TMEM132B: variants seen among roughly 807,000 people sequenced by gnomAD.
TMEM132B encodes the protein transmembrane protein 132B.
Under a neutral mutation model 90.8 loss-of-function variants are expected in TMEM132B, and 18 were observed. That is an observed-to-expected ratio of 0.20 (90% CI 0.14 to 0.29). The LOEUF is 0.29. Ranked by LOEUF, TMEM132B falls within the 10% of genes least tolerant of loss-of-function variation. The probability of loss-of-function intolerance (pLI) is 1.00; values close to 1 mark genes in which losing one functional copy is unlikely to be tolerated. For missense variants in TMEM132B, 1,096 were observed against 1,326.8 expected (o/e 0.83, Z 2.70); for synonymous variants, 504 against 523.3 (o/e 0.96, Z 0.50).
chr12:125,597,164 C>A (rs1264126937), intron 5 of TMEM132B, among the ~76,000 whole-genome samples: 1 of 152,160 alleles, frequency 6.6e-6, no homozygotes, highest in Non-Finnish European at 1.5e-5. Context: ...GTTTCTGGCA[C>A]AGAATATGCA....
At chr12:125,200,023 G>A (rs765391350) in intron 1 of TMEM132B, among the ~76,000 whole-genome samples, 34 of 152,172 alleles carry the variant, frequency 2.2e-4, no homozygotes, top group Non-Finnish European at 4.4e-4. Flanking sequence ...TGGATACCGG[G>A]CACAAAGTTG....
At chr12:125,605,749 A>G (rs1182652082) in intron 5 of TMEM132B, among the ~76,000 whole-genome samples, 2 of 152,202 alleles carry the variant, frequency 1.3e-5, no homozygotes, top group Non-Finnish European at 2.9e-5. Context: ...TCTCCACATT[A>G]CAGATATGGC....
At chr12:125,530,680 C>T (rs936974404) in intron 4 of TMEM132B, among the ~76,000 whole-genome samples, 4 of 152,220 alleles carry the variant, frequency 2.6e-5, no homozygotes, top group Admixed American at 6.5e-5. Context: ...TGGCTCCAGG[C>T]GTTCCTTAGC....
intron 4 of TMEM132B, among the ~76,000 whole-genome samples, chr12:125,526,059 G>A (rs564529923): frequency 1.3e-4 from 20 of 152,318 alleles, no homozygotes; most frequent in Admixed American, 3.3e-4. Flanking sequence ...GAGAGGAGCT[G>A]CACACACTCT....
At chr12:125,491,167 A>G (rs1461602151) in intron 3 of TMEM132B, among the ~76,000 whole-genome samples, 1 of 152,126 alleles carries the variant, frequency 6.6e-6, no homozygotes, top group African/African-American at 2.4e-5. Context: ...GAAATAATAC[A>G]TGTTTATTGT....
Position 125,535,736 on chromosome 12 carries a change from G to A in TMEM132B, c.1293+16111G>A, listed in dbSNP as rs542045975. Among the ~76,000 whole-genome samples, 8 of 152,266 alleles carry A rather than the reference G, an allele frequency of 5.3e-5. No individual in the cohort carries two copies. The South Asian group carries it at 1.7e-3, about 32-fold the overall frequency. On this transcript the variant is annotated intron_variant, in intron 4 of 8. Transcript: ENST00000682704. ...CCAAGAGAGGGGTTGGGGCAGACTT[G>A]CCCACCTTTGCATTTTCTCCAGAAC...
intron 1 of TMEM132B, among the ~76,000 whole-genome samples, chr12:125,324,399 A>G (rs78354541): frequency 0.12 from 18,340 of 152,270 alleles, 1,313 homozygotes; most frequent in East Asian, 0.17. Context: ...GTAGATTCAT[A>G]GGATAAGTTC....
At chr12:125,521,903 C>A (rs187650514) in intron 4 of TMEM132B, among the ~76,000 whole-genome samples, 49 of 152,316 alleles carry the variant, frequency 3.2e-4, no homozygotes, top group African/African-American at 1.1e-3. Flanking sequence ...TGATCCAGAA[C>A]TGATCAGAGG....
At chr12:125,539,114 T>A (rs1261784462) in intron 4 of TMEM132B, among the ~76,000 whole-genome samples, 1 of 152,176 alleles carries the variant, frequency 6.6e-6, no homozygotes. Flanking sequence ...ATTAAACAGA[T>A]TGTATGAGTC....
rs991147152 is a variant in TMEM132B at position 125,459,229 on chromosome 12, C to T, written c.1106+43552C>T. Among the ~76,000 whole-genome samples the T allele has an allele frequency of 6.6e-6, 1 of 152,072 alleles. No individual in the cohort carries two copies. The highest frequency in any genetic ancestry group is 1.5e-5 in the Non-Finnish European group (1 of 68,020). ...TGCCTCACCTTTCAAATAGTGGGAC[C>T]CTCTTCTACGTGTGGGGAACCGCCA... On this transcript the variant is annotated intron_variant, in intron 3 of 8. Transcript: ENST00000682704. The surrounding 1 kb of genome is among the most constrained non-coding windows in gnomAD (Gnocchi z 4.1).
At chr12:125,456,711 A>T (rs2136461536) in intron 3 of TMEM132B, among the ~76,000 whole-genome samples, 1 of 152,170 alleles carries the variant, frequency 6.6e-6, no homozygotes. Flanking sequence ...TCCCCACTGC[A>T]GTCTCTCTGT....
At chr12:125,482,334 A>G (rs1882068216) in intron 3 of TMEM132B, among the ~76,000 whole-genome samples, 1 of 152,258 alleles carries the variant, frequency 6.6e-6, no homozygotes, top group African/African-American at 2.4e-5. Context: ...AGAATGGGAG[A>G]AAATTTTTGC....
chr12:125,299,777 T>C (rs1410827639), intron 1 of TMEM132B, among the ~76,000 whole-genome samples: 1 of 152,202 alleles, frequency 6.6e-6, no homozygotes, highest in Non-Finnish European at 1.5e-5. Context: ...CCAGAATCTG[T>C]ACTCTTCTCA....
chr12:125,279,746 A>T (rs181245527), intron 1 of TMEM132B, among the ~76,000 whole-genome samples: 1 of 152,316 alleles, frequency 6.6e-6, no homozygotes, highest in Admixed American at 6.5e-5. Flanking sequence ...GAGCTCCATG[A>T]GATCTTCTAG....
intron 1 of TMEM132B, among the ~76,000 whole-genome samples, chr12:125,262,130 TG>T (rs1295980358): frequency 2.6e-5 from 4 of 151,134 alleles, no homozygotes; most frequent in Non-Finnish European, 4.4e-5. Flanking sequence ...AAATATTGAC[TG>T]GGCACAGTGG....
chr12:125,500,462 A>G (rs1882668592), intron 3 of TMEM132B, among the ~76,000 whole-genome samples: 1 of 152,188 alleles, frequency 6.6e-6, no homozygotes, highest in Non-Finnish European at 1.5e-5. Flanking sequence ...CCTGGGGGAC[A>G]AAGTTGGTGC....
chr12:125,288,603 G>C (rs1875438534), intron 1 of TMEM132B, among the ~76,000 whole-genome samples: 1 of 152,018 alleles, frequency 6.6e-6, no homozygotes, highest in South Asian at 2.1e-4. Context: ...ATGCTGTGTG[G>C]GTATTCTTGG....
At chr12:125,570,046 G>A (rs1437670432) in intron 4 of TMEM132B, among the ~76,000 whole-genome samples, 4 of 152,050 alleles carry the variant, frequency 2.6e-5, no homozygotes, top group Admixed American at 2.0e-4. Context: ...TCCAGAAGAT[G>A]CTCCTTATGT....
intron 1 of TMEM132B, among the ~76,000 whole-genome samples, chr12:125,273,668 C>T (rs1874907840): frequency 6.6e-6 from 1 of 152,078 alleles, no homozygotes; most frequent in South Asian, 2.1e-4. Context: ...CTCGATTTCC[C>T]CTGACATCCC....
Sources: allele counts gnomAD v4.1 joint callset (sites outside exome capture counted in the v4.1 genomes callset), GRCh38; gene constraint gnomAD v4.1.1; non-coding constraint Gnocchi (gnomAD v3.1); transcripts MANE v1.5; gene names NCBI Gene and HGNC (gene_info 2026-07-23, HGNC 2026-07-21).